Variants in FGF12 observed in about 807,000 individuals in gnomAD.
The protein encoded by FGF12 is fibroblast growth factor 12B.
In FGF12, 14 loss-of-function variants were observed where a neutral mutation model predicts 23.6. The ratio of observed to expected loss-of-function variants is 0.59; its 90% CI spans 0.39 to 0.93. The LOEUF (loss-of-function observed/expected upper bound fraction) is 0.93. Among genes scored for constraint, FGF12 ranks in the 40% least tolerant of loss-of-function variants. The probability of loss-of-function intolerance (pLI) is 0.00; values close to 1 mark genes in which losing one functional copy is unlikely to be tolerated. For synonymous variants in FGF12, 62 were observed against 77.3 expected (o/e 0.80, Z 1.04); for missense variants, 175 against 217.8 (o/e 0.80, Z 1.24).
intron 5 of FGF12, among the ~76,000 whole-genome samples, chr3:192,158,551 TCTCC>T (rs771743005): frequency 5.8e-4 from 66 of 112,988 alleles, no homozygotes; most frequent in Non-Finnish European, 1.0e-3. Flanking sequence ...GCCCTCCCTC[TCTCC>T]CTCCCTCCCT....
rs561685969 is a variant in FGF12, at chr3:192,360,881, T to C, written c.14-343A>G. 1.2e-4 allele frequency among the ~76,000 whole-genome samples: 19 copies of C among 152,266 alleles called. No individual in the cohort carries two copies. The South Asian group carries it at 3.9e-3, about 32-fold the overall frequency. Reference sequence around the variant, plus strand: ...ACTTTATAGTCCCATTCCAGAATTATTGTTTAGGCCAAAATGCCTCTGTAA... The same window carrying C: ...ACTTTATAGTCCCATTCCAGAATTACTGTTTAGGCCAAAATGCCTCTGTAA... On this transcript the variant is annotated intron_variant, in intron 2 of 5. Coordinates refer to ENST00000445105, the MANE Select transcript of FGF12 (RefSeq NM_004113.6). The surrounding 1 kb of genome is among the most constrained non-coding windows in gnomAD (Gnocchi z 4.3).
At chr3:192,599,961 C>T (rs1714038468) in intron 2 of FGF12, among the ~76,000 whole-genome samples, 1 of 151,956 alleles carries the variant, frequency 6.6e-6, no homozygotes, top group African/African-American at 2.4e-5. Context: ...AAATCCTTTC[C>T]TGTGCCAGTG....
At chr3:192,542,743 C>T (rs1725401863) in intron 2 of FGF12, among the ~76,000 whole-genome samples, 1 of 151,914 alleles carries the variant, frequency 6.6e-6, no homozygotes, top group Non-Finnish European at 1.5e-5. Flanking sequence ...AGCCCAGTAA[C>T]AATATGGTTC....
At chr3:192,549,398 TC>T (rs1560147173) in intron 2 of FGF12, among the ~76,000 whole-genome samples, 2 of 152,120 alleles carry the variant, frequency 1.3e-5, no homozygotes, top group Non-Finnish European at 2.9e-5. Context: ...GAAAAGGGGC[TC>T]AAAATGAAAA....
At chr3:192,279,733 A>G (rs1164389581) in intron 4 of FGF12, among the ~76,000 whole-genome samples, 1 of 152,226 alleles carries the variant, frequency 6.6e-6, no homozygotes, top group Non-Finnish European at 1.5e-5. Context: ...GAAGGAGGGC[A>G]GCACAACAGG....
chr3:192,537,388 A>C (rs1725249069), intron 2 of FGF12, among the ~76,000 whole-genome samples: 1 of 151,990 alleles, frequency 6.6e-6, no homozygotes, highest in South Asian at 2.1e-4. Context: ...ACGATTTTCC[A>C]TAGTGGTTGT....
intron 4 of FGF12, among the ~76,000 whole-genome samples, chr3:192,263,381 T>C (rs893997421): frequency 5.3e-5 from 8 of 152,042 alleles, no homozygotes; most frequent in African/African-American, 1.9e-4. Flanking sequence ...CCCATCAATG[T>C]CCCATCCCAG....
At chr3:192,198,180 A>T (rs1272486390) in intron 4 of FGF12, among the ~76,000 whole-genome samples, 2 of 152,156 alleles carry the variant, frequency 1.3e-5, no homozygotes, top group Non-Finnish European at 2.9e-5. Context: ...TGATAAAAAG[A>T]TATGAAAAGC....
In FGF12 at chr3:192,375,528, A is replaced by G. The variant is rs141073041; in HGVS notation, c.14-14990T>C. On this transcript the variant is annotated intron_variant, in intron 2 of 5. Coordinates refer to ENST00000445105, the MANE Select transcript of FGF12 (RefSeq NM_004113.6). ...CAAACGGCTAAAAACTCAAATCCACATATTCCTATTACTGGCTAGTATTTT... is the reference window on the plus strand; with the variant it reads ...CAAACGGCTAAAAACTCAAATCCACGTATTCCTATTACTGGCTAGTATTTT... 7.4e-3 allele frequency among the ~76,000 whole-genome samples: 1,128 copies of G among 152,318 alleles called. 5 individuals carry two copies. Among genetic ancestry groups the G allele is most frequent in the Non-Finnish European group, 9.7e-3 (658 of 68,024 alleles).
chr3:192,169,169 T>C (rs551426692), intron 5 of FGF12, among the ~76,000 whole-genome samples: 3 of 152,074 alleles, frequency 2.0e-5, no homozygotes, highest in South Asian at 4.2e-4. Flanking sequence ...GGCGAAATCC[T>C]GTCTCTACTA....
intron 5 of FGF12, among the ~76,000 whole-genome samples, chr3:192,154,659 T>A (rs6637048): frequency 7.2e-6 from 1 of 138,268 alleles, no homozygotes; most frequent in Non-Finnish European, 1.6e-5. Context: ...CTTGAGGAGG[T>A]AGTCTGCCCG....
At chr3:192,489,620 T>C (rs1382890786) in intron 2 of FGF12, among the ~76,000 whole-genome samples, 1 of 152,080 alleles carries the variant, frequency 6.6e-6, no homozygotes, top group African/African-American at 2.4e-5. Context: ...GGGAAACTTT[T>C]ACTCCCCTGA....
rs149650426 is a variant in FGF12 at position 192,373,115 on chromosome 3, C to T, written c.14-12577G>A. Among the ~76,000 whole-genome samples the T allele has an allele frequency of 1.4e-4, 22 of 152,142 alleles. No homozygotes were observed. The East Asian group carries it at 4.3e-3, about 29-fold the overall frequency. On this transcript the variant is annotated intron_variant, in intron 2 of 5. Coordinates refer to ENST00000445105, the MANE Select transcript of FGF12 (RefSeq NM_004113.6). The stretch of plus-strand genomic sequence containing the variant: ...AGCACACTGTTTTTTTTTTCACCTC[C>T]CTTCATTGCACGTAGTCGAATTTGT...
chr3:192,222,997 T>C (rs929617802), intron 4 of FGF12, among the ~76,000 whole-genome samples: 1 of 152,206 alleles, frequency 6.6e-6, no homozygotes. Flanking sequence ...TATTCCGCAC[T>C]GCACCTCTGC....
chr3:192,365,293 A>G (rs1718927434), intron 2 of FGF12, among the ~76,000 whole-genome samples: 1 of 152,026 alleles, frequency 6.6e-6, no homozygotes, highest in African/African-American at 2.4e-5. Context: ...ATGTCATTGA[A>G]GAAAACGAAT....
At chr3:192,620,437 T>G (rs911952824) in intron 2 of FGF12, among the ~76,000 whole-genome samples, 1 of 152,146 alleles carries the variant, frequency 6.6e-6, no homozygotes, top group Non-Finnish European at 1.5e-5. Context: ...AGAGAAAATC[T>G]GCATCCTTCC....
intron 4 of FGF12, among the ~76,000 whole-genome samples, chr3:192,204,117 A>ACCC (rs1315848872): frequency 1.3e-5 from 2 of 152,220 alleles, no homozygotes. Context: ...TCTAGGTATT[A>ACCC]GATGAAGGTC....
chr3:192,472,786 C>T (rs1055569269), intron 2 of FGF12, among the ~76,000 whole-genome samples: 27 of 152,168 alleles, frequency 1.8e-4, no homozygotes, highest in South Asian at 2.1e-4. Context: ...ACTTGCCCTT[C>T]GTTCCTACCA....
At chr3:192,355,752 CAAG>C (rs762618729) in intron 3 of FGF12, among the ~76,000 whole-genome samples, 1 of 152,092 alleles carries the variant, frequency 6.6e-6, no homozygotes, top group African/African-American at 2.4e-5. Flanking sequence ...TTCTAGAAGG[CAAG>C]AAGAACAGAG....
Sources: allele counts gnomAD v4.1 joint callset (sites outside exome capture counted in the v4.1 genomes callset), GRCh38; gene constraint gnomAD v4.1.1; non-coding constraint Gnocchi (gnomAD v3.1); transcripts MANE v1.5; gene names NCBI Gene and HGNC (gene_info 2026-07-23, HGNC 2026-07-21).